Variants in PARP8 observed in about 807,000 individuals in gnomAD.
The protein encoded by PARP8 is protein mono-ADP-ribosyltransferase PARP8.
PARP8 carries 51 observed loss-of-function variants against 124.1 expected under a neutral mutation model. The observed-to-expected ratio is 0.41, with a 90% confidence interval of 0.33 to 0.52. The LOEUF is 0.52. Ranked by LOEUF, PARP8 falls within the 20% of genes least tolerant of loss-of-function variation. The pLI is 0.21. For synonymous variants in PARP8, 391 were observed against 361.5 expected, an observed-to-expected ratio of 1.08 and a Z score of -0.93; for missense variants, 860 against 1,018.9, an observed-to-expected ratio of 0.84 and a Z score of 2.12.
intron 9 of PARP8, among the ~76,000 whole-genome samples, chr5:50,787,230 G>A (rs1356111545): frequency 6.6e-6 from 1 of 152,054 alleles, no homozygotes; most frequent in Non-Finnish European, 1.5e-5. Flanking sequence ...TTCACTTGTT[G>A]CAATAAGTTC....
chr5:50,812,649 T>C (rs1744591213), intron 14 of PARP8, among the ~76,000 whole-genome samples: 2 of 152,186 alleles, frequency 1.3e-5, no homozygotes, highest in South Asian at 4.1e-4. Context: ...TTTGGTGTTT[T>C]AGACATGAAG....
chr5:50,755,045 C>A (rs181306082), intron 3 of PARP8, among the ~76,000 whole-genome samples: 1 of 151,758 alleles, frequency 6.6e-6, no homozygotes, highest in Admixed American at 6.6e-5. Context: ...TTTTCTTGTA[C>A]ATTTGTTGGA....
At chr5:50,688,105 T>C (rs1752074700) in intron 2 of PARP8, among the ~76,000 whole-genome samples, 1 of 152,200 alleles carries the variant, frequency 6.6e-6, no homozygotes, top group Non-Finnish European at 1.5e-5. Context: ...TACCTTGGCT[T>C]CCCAAAGCTC....
At chr5:50,674,858 A>G (rs1750434000) in intron 2 of PARP8, among the ~76,000 whole-genome samples, 2 of 152,248 alleles carry the variant, frequency 1.3e-5, no homozygotes, top group Non-Finnish European at 2.9e-5. Context: ...TCATTAGAAT[A>G]CATAACGTTT....
In PARP8 at chr5:50,788,320, T is replaced by C. The variant is rs191916116; in HGVS notation, c.671-203T>C. On this transcript the variant is annotated intron_variant, in intron 9 of 25. Transcript: ENST00000281631. ...ATAATGTATACAATATAATGTATAATATATATTATACATTAATGTATAATG... is the reference window on the plus strand; with the variant it reads ...ATAATGTATACAATATAATGTATAACATATATTATACATTAATGTATAATG... Among the ~76,000 whole-genome samples the C allele has an allele frequency of 2.4e-3, 357 of 148,774 alleles. 1 individual carries two copies. Among genetic ancestry groups the C allele is most frequent in the Non-Finnish European group, 4.0e-3 (268 of 67,436 alleles).
chr5:50,752,831 A>G (rs1227863099), intron 3 of PARP8, among the ~76,000 whole-genome samples: 2 of 152,074 alleles, frequency 1.3e-5, no homozygotes, highest in Admixed American at 6.6e-5. Context: ...TTGCTCTATG[A>G]AAATATATCA....
intron 2 of PARP8, among the ~76,000 whole-genome samples, chr5:50,678,800 G>C (rs184156362): frequency 6.1e-4 from 93 of 152,256 alleles, no homozygotes; most frequent in Middle Eastern, 3.4e-3. Flanking sequence ...AAGGCCTGCT[G>C]AGTTAACCCT....
intron 7 of PARP8, among the ~76,000 whole-genome samples, chr5:50,777,402 A>T (rs1224870929): frequency 6.6e-6 from 1 of 152,200 alleles, no homozygotes; most frequent in Non-Finnish European, 1.5e-5. Flanking sequence ...AAAAATACAG[A>T]TGTGTTATAT....
Position 50,667,161 on chromosome 5 carries a change from A to T in PARP8, c.66A>T (p.Arg22Ser). The part of the protein sequence containing the change: ...KDIDVVIQKS[R>S]AEKDCLFADF... ...TCGACGTCGTGATCCAGAAGTCCAG[A>T]GCTGAGAAGGACTGCCTGTTTGCAG... The change falls in exon 1 of 26, where the codon AGA becomes AGT. Residue 22 changes from arginine to serine, a missense_variant. By Grantham distance (110) the Arg-to-Ser change is moderately radical. Around this residue, in one of 2 missense-constraint regions of PARP8, gnomAD observed 517 missense variants for 544.2 expected, o/e 0.95. Coordinates refer to ENST00000281631, the MANE Select transcript of PARP8 (RefSeq NM_024615.4). 6.3e-7 allele frequency: 1 copy of T among 1,596,324 alleles called. No individual in the cohort carries two copies.
chr5:50,764,762 A>G (rs1438091882), intron 7 of PARP8, among the ~76,000 whole-genome samples: 8 of 151,752 alleles, frequency 5.3e-5, no homozygotes, highest in Non-Finnish European at 7.4e-5. Context: ...TATATGAAGA[A>G]GGCAATTGGG....
chr5:50,784,039 T>A (rs966880066), intron 9 of PARP8, among the ~76,000 whole-genome samples: 2 of 152,192 alleles, frequency 1.3e-5, no homozygotes, highest in Admixed American at 1.3e-4. Flanking sequence ...TTCAGTGATT[T>A]AAAAAATCGG....
rs1181015044 is a variant in PARP8, at chr5:50,679,305, C to CCAG, written c.146+11182_146+11184dup. Among the ~76,000 whole-genome samples, 8 of 152,270 alleles carry CCAG rather than the reference C, an allele frequency of 5.3e-5. No individual in the cohort carries two copies. In the East Asian group the frequency reaches 1.5e-3, roughly 29 times the overall value. On this transcript the variant is annotated intron_variant, in intron 2 of 25. Transcript: ENST00000281631. ...CCATACTTTTCGTTATTATCAGATG[C>CCAG]CAGCGTTAATGCTTTTCCTTTCTCC...
intron 2 of PARP8, among the ~76,000 whole-genome samples, chr5:50,690,314 C>T (rs1379185851): frequency 6.6e-6 from 1 of 152,116 alleles, no homozygotes; most frequent in Admixed American, 6.5e-5. Flanking sequence ...AATTAGAGAA[C>T]TTAAGAGTAG....
At chr5:50,754,150 T>TATACACACACAC (rs1312947286) in intron 3 of PARP8, among the ~76,000 whole-genome samples, 1 of 37,224 alleles carries the variant, frequency 2.7e-5, no homozygotes, top group African/African-American at 1.2e-4. Context: ...TATATATATA[T>TATACACACACAC]ACACACACAC....
At chr5:50,839,305 G>A (rs1747915732) in intron 25 of PARP8, among the ~76,000 whole-genome samples, 1 of 151,838 alleles carries the variant, frequency 6.6e-6, no homozygotes, top group South Asian at 2.1e-4. Context: ...CCAGTCCAAT[G>A]TATCATCTCC....
chr5:50,672,483 G>A (rs1309649616), intron 2 of PARP8, among the ~76,000 whole-genome samples: 2 of 152,212 alleles, frequency 1.3e-5, no homozygotes, highest in African/African-American at 4.8e-5. Flanking sequence ...ATCTGGTGAT[G>A]TCACTTGCAG....
chr5:50,672,967 T>G (rs1347399131), intron 2 of PARP8, among the ~76,000 whole-genome samples: 1 of 152,208 alleles, frequency 6.6e-6, no homozygotes, highest in Non-Finnish European at 1.5e-5. Flanking sequence ...ATACAGTTAC[T>G]TTGAAGCCAT....
At chr5:50,705,533 A>G (rs1580023664) in intron 2 of PARP8, among the ~76,000 whole-genome samples, 1 of 152,306 alleles carries the variant, frequency 6.6e-6, no homozygotes, top group East Asian at 1.9e-4. Flanking sequence ...CACACCTGTA[A>G]TCCCACTTTG....
intron 2 of PARP8, chr5:50,739,179 C>G (rs1757770898): frequency 1.5e-6 from 1 of 648,178 alleles, no homozygotes. Flanking sequence ...CTAGGTAACT[C>G]CTTTCCTTCC....
Sources: gnomAD v4.1 joint callset for allele counts (sites outside exome capture counted in the v4.1 genomes callset) on GRCh38, gnomAD v4.1.1 for gene constraint, gnomAD v4.1.1 regional missense constraint, MANE v1.5 for transcripts, NCBI Gene and HGNC (gene_info 2026-07-23, HGNC 2026-07-21) for gene names.